PCDHGA3: variants seen among roughly 807,000 people sequenced by gnomAD.
The protein encoded by PCDHGA3 is protocadherin gamma-A3.
In PCDHGA3, 40 loss-of-function variants were observed where a neutral mutation model predicts 58.5. The ratio of observed to expected loss-of-function variants is 0.68; its 90% CI spans 0.53 to 0.89. The LOEUF (loss-of-function observed/expected upper bound fraction) is 0.89, where lower values mean the gene tolerates loss of function less well. Ranked by LOEUF, PCDHGA3 falls within the 40% of genes least tolerant of loss-of-function variation. The probability of loss-of-function intolerance (pLI) is 0.00; values close to 1 mark genes in which losing one functional copy is unlikely to be tolerated. For synonymous variants in PCDHGA3, 530 were observed against 525.7 expected (o/e 1.01, Z -0.11); for missense variants, 1,223 against 1,195.9 (o/e 1.02, Z -0.33).
chr5:141,494,182 C>T (rs188628485), intron 1 of PCDHGA3, among the ~76,000 whole-genome samples: 132 of 152,244 alleles, frequency 8.7e-4, no homozygotes, highest in African/African-American at 3.1e-3. Flanking sequence ...AGAAGTGTCC[C>T]GGGACTTGGA....
chr5:141,491,006 T>C lies in PCDHGA3; in HGVS notation c.2425-3801T>C. The C allele has an allele frequency of 6.2e-7, 1 of 1,614,062 alleles. No homozygotes were observed. Among genetic ancestry groups the C allele is most frequent in the Non-Finnish European group, 8.5e-7 (1 of 1,180,028 alleles). ...CGCTCTGCTCCTCCTGGCTCCTTGG[T>C]CACCAAGGTGACAGCCGTGGATGCT... On this transcript the variant is annotated intron_variant, in intron 1 of 3. Transcript: ENST00000253812. This position sits in a 1 kb window ranked among gnomAD's most constrained non-coding sequence, Gnocchi z 6.9.
chr5:141,366,257 G>A, intron 1 of PCDHGA3: 1 of 1,613,694 alleles, frequency 6.2e-7, no homozygotes, highest in Middle Eastern at 1.6e-4. Flanking sequence ...GCAGAGCCTC[G>A]TGGTGGCCGT....
intron 1 of PCDHGA3, chr5:141,404,584 C>T: frequency 6.2e-7 from 1 of 1,613,980 alleles, no homozygotes; most frequent in Non-Finnish European, 8.5e-7. Flanking sequence ...CACTTAGCAG[C>T]AATGTGTCAT....
At chr5:141,347,363 C>A (rs1757958155) in intron 1 of PCDHGA3, among the ~76,000 whole-genome samples, 1 of 151,942 alleles carries the variant, frequency 6.6e-6, no homozygotes, top group Non-Finnish European at 1.5e-5. Context: ...CTATGTTTCC[C>A]AGGCTGGTCT....
chr5:141,408,918 C>T, intron 1 of PCDHGA3: 1 of 1,613,408 alleles, frequency 6.2e-7, no homozygotes. Flanking sequence ...AATGATAACC[C>T]CCCGGTTTTC....
At chr5:141,394,658 A>G (rs755560495) in intron 1 of PCDHGA3, 1 of 1,610,022 alleles carries the variant, frequency 6.2e-7, no homozygotes, top group South Asian at 1.1e-5. Flanking sequence ...GCGAGCCGGG[A>G]CTCTTCTCGG....
intron 1 of PCDHGA3, chr5:141,351,146 G>C (rs868865355): frequency 1.2e-6 from 2 of 1,613,840 alleles, no homozygotes; most frequent in Non-Finnish European, 1.7e-6. Context: ...AAATACTGGC[G>C]ACATCACAAC....
chr5:141,477,221 A>G lies in PCDHGA3; in HGVS notation c.2425-17586A>G, dbSNP rs771608717. 1 of 1,614,178 alleles carries G rather than the reference A, an allele frequency of 6.2e-7. No homozygotes were observed. The highest frequency in any genetic ancestry group is 8.5e-7 in the Non-Finnish European group (1 of 1,180,044). ...AGTACCCGAGGATGCCCCTCTGGGG[A>G]CTGTCATCGCTTTGCTCAGTGTGAC... On this transcript the variant is annotated intron_variant, in intron 1 of 3. Coordinates refer to ENST00000253812, the MANE Select transcript of PCDHGA3 (RefSeq NM_018916.4). This position sits in a 1 kb window ranked among gnomAD's most constrained non-coding sequence, Gnocchi z 4.9.
intron 1 of PCDHGA3, chr5:141,423,925 T>C (rs17097293): frequency 0.23 from 286,429 of 1,244,544 alleles, 36,355 homozygotes; most frequent in African/African-American, 0.51. Flanking sequence ...ACTATGCTGG[T>C]TTGGTTTGAA....
intron 1 of PCDHGA3, among the ~76,000 whole-genome samples, chr5:141,465,031 C>T (rs933448980): frequency 1.3e-5 from 2 of 151,958 alleles, no homozygotes; most frequent in Non-Finnish European, 1.5e-5. Context: ...CATGAACCAC[C>T]ACAAATGACC....
chr5:141,468,920 A>G (rs2099185605), intron 1 of PCDHGA3, among the ~76,000 whole-genome samples: 1 of 151,612 alleles, frequency 6.6e-6, no homozygotes, highest in South Asian at 2.1e-4. Context: ...AGAAGAGAAT[A>G]GCACTAAAAT....
intron 1 of PCDHGA3, among the ~76,000 whole-genome samples, chr5:141,357,949 G>T (rs1020831808): frequency 1.3e-5 from 2 of 152,118 alleles, no homozygotes; most frequent in Non-Finnish European, 2.9e-5. Flanking sequence ...TAACACTTTG[G>T]GAGTGTGAGG....
rs375879976 is a variant in PCDHGA3 at position 141,376,437 on chromosome 5, A to G, written c.2424+29980A>G. 2.7e-4 allele frequency: 434 copies of G among 1,614,084 alleles called. No homozygotes were observed. The highest frequency in any genetic ancestry group is 3.3e-4 in the Non-Finnish European group (388 of 1,180,040). ...GACACGCTTATCAACCAGGAGAGCT[A>G]TGAGAAAAGCGAGCCTCTTCTGATA... On this transcript the variant is annotated intron_variant, in intron 1 of 3. Coordinates refer to ENST00000253812, the MANE Select transcript of PCDHGA3 (RefSeq NM_018916.4).
chr5:141,416,747 T>A (rs920641906), intron 1 of PCDHGA3: 2 of 152,240 alleles, frequency 1.3e-5, no homozygotes, highest in African/African-American at 4.8e-5. Flanking sequence ...AATAGTGACG[T>A]ATTAGGTAGA....
chr5:141,432,287 G>T lies in PCDHGA3; in HGVS notation c.2425-62520G>T. 1 of 1,614,216 alleles carries T rather than the reference G, an allele frequency of 6.2e-7. No individual in the cohort carries two copies. The highest frequency in any genetic ancestry group is 8.5e-7 in the Non-Finnish European group (1 of 1,180,030). On this transcript the variant is annotated intron_variant, in intron 1 of 3. Coordinates refer to ENST00000253812, the MANE Select transcript of PCDHGA3 (RefSeq NM_018916.4). This position sits in a 1 kb window ranked among gnomAD's most constrained non-coding sequence, Gnocchi z 6.0. ...ATCGTCCTACGTGTCCATCAACTCC[G>T]ACACTGGGGTACTGTATGCGCTGAG...
intron 1 of PCDHGA3, among the ~76,000 whole-genome samples, chr5:141,436,383 G>C (rs1374382672): frequency 6.6e-6 from 1 of 152,104 alleles, no homozygotes; most frequent in Admixed American, 6.5e-5. Context: ...AGCTGAATAG[G>C]CTTTATTAAA....
At chr5:141,410,086 G>T in intron 1 of PCDHGA3, 1 of 1,612,588 alleles carries the variant, frequency 6.2e-7, no homozygotes, top group Non-Finnish European at 8.5e-7. Flanking sequence ...AGGTGCGCAC[G>T]GCTCGAGCCT....
intron 1 of PCDHGA3, chr5:141,418,597 G>A (rs2096274061): frequency 3.7e-6 from 6 of 1,614,052 alleles, no homozygotes; most frequent in Non-Finnish European, 5.1e-6. Flanking sequence ...GCCAGGACGT[G>A]TACAGGGTTA....
At chr5:141,406,331 C>A (rs577134835) in intron 1 of PCDHGA3, among the ~76,000 whole-genome samples, 22 of 152,002 alleles carry the variant, frequency 1.4e-4, no homozygotes, top group Non-Finnish European at 2.8e-4. Context: ...CTTACTCCTA[C>A]GATCATTTAT....
Sources: gnomAD v4.1 joint callset for allele counts (sites outside exome capture counted in the v4.1 genomes callset) on GRCh38, gnomAD v4.1.1 for gene constraint, Gnocchi (gnomAD v3.1) non-coding constraint, MANE v1.5 for transcripts, NCBI Gene and HGNC (gene_info 2026-07-23, HGNC 2026-07-21) for gene names.